RHOF: variants seen among roughly 807,000 people sequenced by gnomAD.
RHOF encodes the protein rho-related GTP-binding protein RhoF.
A neutral mutation model predicts 22.2 loss-of-function variants in RHOF; 21 were observed. That is an observed-to-expected ratio of 0.95 (90% CI 0.67 to 1.36). The LOEUF is 1.36. RHOF is among the 40% of genes most tolerant of loss of function. The pLI, the probability that RHOF is intolerant of heterozygous loss-of-function variation, is 0.00. For missense variants in RHOF, 285 were observed against 293.7 expected (o/e 0.97, Z 0.22); for synonymous variants, 135 against 131.2 (o/e 1.03, Z -0.20).
chr12:121,781,314 A>G (rs1488515410), intron 2 of RHOF, 122 bp from the exon 3 acceptor site: 4 of 779,760 alleles, frequency 5.1e-6, no homozygotes, highest in Admixed American at 2.5e-5. Context: ...CATCTATACA[A>G]TGGGCAGCAA....
chr12:121,782,948 C>CT (rs1874510845), intron 2 of RHOF: 1 of 152,088 alleles, frequency 6.6e-6, no homozygotes, highest in Admixed American at 6.6e-5. Flanking sequence ...GAGCGAAACT[C>CT]TGTCTCAAAA....
chr12:121,791,727 C>T (rs1874769388), intron 2 of RHOF, among the ~76,000 whole-genome samples: 1 of 152,184 alleles, frequency 6.6e-6, no homozygotes, highest in African/African-American at 2.4e-5. Flanking sequence ...TGGAGGCTGC[C>T]CTGAACAGTG....
intron 2 of RHOF, among the ~76,000 whole-genome samples, chr12:121,783,414 C>T (rs1355340621): frequency 2.6e-5 from 4 of 151,720 alleles, no homozygotes; most frequent in East Asian, 1.9e-4. Context: ...CTCTGCCTGC[C>T]GGGTTCAAGC....
chr12:121,781,249 C>G, intron 2 of RHOF, 57 bp from the exon 3 acceptor site: 1 of 1,514,262 alleles, frequency 6.6e-7, no homozygotes, highest in Non-Finnish European at 9.1e-7. Flanking sequence ...TGGACTCTGA[C>G]GGGTGAAGGG....
At position 121,793,594 on chromosome 12, in the gene RHOF, C is replaced by A. The variant is rs1252058218; in HGVS notation, c.40G>T (p.Gly14Cys). 2 of 1,551,528 alleles carry A rather than the reference C, an allele frequency of 1.3e-6. No homozygotes were observed. Among genetic ancestry groups the A allele is most frequent in the African/African-American group, 1.4e-5 (1 of 73,628 alleles). The change falls in exon 1 of 5, where the codon GGT becomes TGT. Residue 14 changes from glycine to cysteine, a missense_variant. Transcript: ENST00000267205. ...ATCTTCAGCTCCTTCCTGCCCGGAC[C>A]GGGGGCGGCGGTCTGGGCCAGGGCC... Reference protein sequence around the residue: ...PGALAQTAAPGPGRKELKIVI... With the variant: ...PGALAQTAAPCPGRKELKIVI...
At chr12:121,787,550 G>C (rs1447932860) in intron 2 of RHOF, among the ~76,000 whole-genome samples, 1 of 152,220 alleles carries the variant, frequency 6.6e-6, no homozygotes, top group Non-Finnish European at 1.5e-5. Flanking sequence ...AAGTGAGCGA[G>C]CCTTGATGAC....
chr12:121,778,689 G>A lies in RHOF; in HGVS notation c.*809C>T, dbSNP rs1332232867. 2 of 152,228 alleles carry A rather than the reference G, an allele frequency of 1.3e-5. No individual in the cohort carries two copies. Among genetic ancestry groups the A allele is most frequent in the Non-Finnish European group, 2.9e-5 (2 of 68,100 alleles). 9.4% of individuals were successfully genotyped at this position (152,228 alleles called of 1,614,324 possible). ...TTGAGGGACAGCAGGTTGGGAGCTT[G>A]AGGACTAAGTGGGCCAGTCCTGTCC... On this transcript the variant is annotated 3_prime_UTR_variant, in exon 5 of 5. Coordinates refer to ENST00000267205, the MANE Select transcript of RHOF (RefSeq NM_019034.3).
At chr12:121,784,196 A>G (rs1874548557) in intron 2 of RHOF, among the ~76,000 whole-genome samples, 1 of 151,888 alleles carries the variant, frequency 6.6e-6, no homozygotes, top group Admixed American at 6.6e-5. Context: ...GACTGCCTTT[A>G]TAATAATACA....
At chr12:121,781,058 C>G (rs1874435722) in intron 3 of RHOF, 25 bp downstream of exon 3, 2 of 1,613,828 alleles carry the variant, frequency 1.2e-6, no homozygotes, top group East Asian at 4.5e-5. Context: ...AGATGTGGGG[C>G]CACCACCCAG....
chr12:121,793,326 G>T, intron 1 of RHOF, 87 bp from the exon 2 acceptor site: 1 of 1,449,714 alleles, frequency 6.9e-7, no homozygotes. Context: ...CCCCTCACTC[G>T]TCCCGGATCA....
At chr12:121,782,480 C>T (rs1404151025) in intron 2 of RHOF, 1 of 152,174 alleles carries the variant, frequency 6.6e-6, no homozygotes, top group Non-Finnish European at 1.5e-5. Context: ...CTTCCTTCCA[C>T]TGAACAAGGA....
intron 2 of RHOF, among the ~76,000 whole-genome samples, chr12:121,783,448 A>G (rs963263792): frequency 4.6e-5 from 7 of 151,712 alleles, no homozygotes; most frequent in African/African-American, 1.2e-4. Context: ...CAGCCTCCCA[A>G]GTAGCTGAGA....
At position 121,779,446 on chromosome 12, in the gene RHOF, A is replaced by C. The variant is rs1354869678; in HGVS notation, c.*52T>G. On this transcript the variant is annotated 3_prime_UTR_variant, in exon 5 of 5. Coordinates refer to ENST00000267205, the MANE Select transcript of RHOF (RefSeq NM_019034.3). ...GGGCAGCCTCCCTGGTGCAATCGGC[A>C]CCTGGGCCCCCGGGCCCTGTCAGTG... 41 of 1,589,116 alleles carry C rather than the reference A, an allele frequency of 2.6e-5. No homozygotes were observed. Among genetic ancestry groups the C allele is most frequent in the Non-Finnish European group, 3.3e-5 (38 of 1,169,216 alleles).
At chr12:121,787,378 A>C (rs1167472311) in intron 2 of RHOF, among the ~76,000 whole-genome samples, 1 of 152,196 alleles carries the variant, frequency 6.6e-6, no homozygotes, top group African/African-American at 2.4e-5. Flanking sequence ...TCAAGGTCAG[A>C]GACAAGCACC....
intron 2 of RHOF, 121 bp downstream of exon 2, chr12:121,793,031 G>GA (rs1874802832): frequency 9.4e-6 from 8 of 847,158 alleles, no homozygotes; most frequent in Admixed American, 7.0e-5. Flanking sequence ...CTCCAGGAGT[G>GA]AAGAGCCGGC....
chr12:121,789,800 C>T (rs1874717067), intron 2 of RHOF, among the ~76,000 whole-genome samples: 1 of 152,176 alleles, frequency 6.6e-6, no homozygotes, highest in African/African-American at 2.4e-5. Context: ...ACTCCATTGC[C>T]TAACAATTTT....
chr12:121,788,570 C>G (rs1874674931), intron 2 of RHOF, among the ~76,000 whole-genome samples: 1 of 152,204 alleles, frequency 6.6e-6, no homozygotes, highest in African/African-American at 2.4e-5. Flanking sequence ...TAAATACCTT[C>G]TCTCATATGA....
At chr12:121,788,107 C>T (rs1194973126) in intron 2 of RHOF, among the ~76,000 whole-genome samples, 1 of 152,080 alleles carries the variant, frequency 6.6e-6, no homozygotes, top group Non-Finnish European at 1.5e-5. Context: ...CTCATCTTTC[C>T]CCCAAAAGCC....
intron 2 of RHOF, among the ~76,000 whole-genome samples, chr12:121,785,257 C>T (rs781588421): frequency 9.9e-5 from 15 of 152,078 alleles, no homozygotes; most frequent in Non-Finnish European, 7.4e-5. Flanking sequence ...GATCTCATCA[C>T]GCTGCTCAGA....
Sources: allele counts gnomAD v4.1 joint callset (sites outside exome capture counted in the v4.1 genomes callset), GRCh38; gene constraint gnomAD v4.1.1; transcripts MANE v1.5; gene names NCBI Gene and HGNC (gene_info 2026-07-23, HGNC 2026-07-21).